The following LYPLAL1 variants were observed in gnomAD, a reference collection of about 807,000 sequenced individuals.
LYPLAL1 encodes the protein lysophospholipase like 1, also known as lysophospholipase-like protein 1.
In LYPLAL1, 23 loss-of-function variants were observed where a neutral mutation model predicts 19.7. The observed-to-expected ratio is 1.17, with a 90% CI of 0.84 to 1.65. The LOEUF (loss-of-function observed/expected upper bound fraction) is 1.65. Among genes scored for constraint, LYPLAL1 ranks in the 40% most tolerant of loss-of-function variants. The probability of loss-of-function intolerance (pLI) is 0.00; values close to 1 mark genes in which losing one functional copy is unlikely to be tolerated. For missense variants in LYPLAL1, 355 were observed against 279.4 expected (o/e 1.27, Z -1.93); for synonymous variants, 119 against 96.3 (o/e 1.24, Z -1.38).
chr1:219,260,349 CAA>C, the LYPLAL1 span, among the ~76,000 whole-genome samples: 1 of 151,354 alleles, frequency 6.6e-6, no homozygotes, highest in Non-Finnish European at 1.5e-5. Flanking sequence ...CGAAGAGAAA[CAA>C]AGAGTTCCAG....
chr1:219,341,748 G>A, the LYPLAL1 span, among the ~76,000 whole-genome samples: 4 of 152,156 alleles, frequency 2.6e-5, no homozygotes, highest in East Asian at 7.7e-4. Context: ...TGAATGACAA[G>A]CTGTTTGCTT....
chr1:219,298,729 G>A, the LYPLAL1 span, among the ~76,000 whole-genome samples: 1 of 152,212 alleles, frequency 6.6e-6, no homozygotes, highest in Non-Finnish European at 1.5e-5. Context: ...AGCAGACCTG[G>A]AGTTGCACAG....
intron 2 of LYPLAL1, among the ~76,000 whole-genome samples, chr1:219,192,311 A>T (rs1657245379): frequency 1.3e-5 from 2 of 151,710 alleles, no homozygotes; most frequent in South Asian, 4.1e-4. Context: ...GTGACAGTAT[A>T]CAGCTAAATT....
At chr1:219,438,440 G>A in the LYPLAL1 span, among the ~76,000 whole-genome samples, 1 of 152,100 alleles carries the variant, frequency 6.6e-6, no homozygotes, top group Admixed American at 6.5e-5. Context: ...TTTGTTCCTC[G>A]TGCAAAGTAC....
At chr1:219,351,307 T>C in the LYPLAL1 span, among the ~76,000 whole-genome samples, 1 of 152,060 alleles carries the variant, frequency 6.6e-6, no homozygotes, top group African/African-American at 2.4e-5. Context: ...AGCTCATTGT[T>C]GGGATGAGAA....
At chr1:219,382,305 G>A in the LYPLAL1 span, among the ~76,000 whole-genome samples, 3 of 152,152 alleles carry the variant, frequency 2.0e-5, no homozygotes, top group Non-Finnish European at 1.5e-5. Context: ...CTAGACTCAT[G>A]GTGAAGAAAA....
At chr1:219,261,833 A>T in the LYPLAL1 span, among the ~76,000 whole-genome samples, 1 of 152,120 alleles carries the variant, frequency 6.6e-6, no homozygotes, top group African/African-American at 2.4e-5. Context: ...CTAGGTGATG[A>T]TCTTTTTGCA....
the LYPLAL1 span, among the ~76,000 whole-genome samples, chr1:219,371,588 T>C: frequency 6.6e-6 from 1 of 152,206 alleles, no homozygotes; most frequent in Non-Finnish European, 1.5e-5. Context: ...TACATATTTA[T>C]AACATAACTA....
the LYPLAL1 span, among the ~76,000 whole-genome samples, chr1:219,274,301 C>T: frequency 3.9e-5 from 6 of 152,140 alleles, no homozygotes; most frequent in South Asian, 2.1e-4. Flanking sequence ...GGTTAGAAGG[C>T]GTGCAAAAGG....
At chr1:219,317,645 T>C in the LYPLAL1 span, among the ~76,000 whole-genome samples, 1 of 152,140 alleles carries the variant, frequency 6.6e-6, no homozygotes, top group African/African-American at 2.4e-5. Context: ...CAAAAATAAA[T>C]AAATAAGCTA....
At chr1:219,423,920 C>A in the LYPLAL1 span, among the ~76,000 whole-genome samples, 3 of 151,622 alleles carry the variant, frequency 2.0e-5, no homozygotes, top group African/African-American at 7.3e-5. Context: ...TCATCCAAGG[C>A]AATCTCTTGT....
At chr1:219,223,873 G>GT in the LYPLAL1 span, among the ~76,000 whole-genome samples, 72 of 151,674 alleles carry the variant, frequency 4.7e-4, 2 homozygotes, top group East Asian at 3.9e-4. Flanking sequence ...ATTTTGTTTT[G>GT]TTTTTTTCTT....
the LYPLAL1 span, among the ~76,000 whole-genome samples, chr1:219,314,663 A>G: frequency 6.6e-6 from 1 of 152,000 alleles, no homozygotes; most frequent in Non-Finnish European, 1.5e-5. Context: ...CGATCTCCTG[A>G]CTTCGTGATC....
At chr1:219,431,764 C>G in the LYPLAL1 span, among the ~76,000 whole-genome samples, 1 of 152,154 alleles carries the variant, frequency 6.6e-6, no homozygotes, top group African/African-American at 2.4e-5. Context: ...CTACCCTAAC[C>G]CAACCCTAGT....
At chr1:219,325,753 G>GCA in the LYPLAL1 span, among the ~76,000 whole-genome samples, 3 of 152,096 alleles carry the variant, frequency 2.0e-5, no homozygotes, top group African/African-American at 7.2e-5. Context: ...AGCCCACTTA[G>GCA]CACATATTGT....
chr1:219,301,551 A>G, the LYPLAL1 span, among the ~76,000 whole-genome samples: 3 of 152,222 alleles, frequency 2.0e-5, no homozygotes, highest in African/African-American at 7.2e-5. Flanking sequence ...AAAAAATCCA[A>G]AGTAATTTTA....
chr1:219,408,253 G>T, the LYPLAL1 span, among the ~76,000 whole-genome samples: 1 of 152,190 alleles, frequency 6.6e-6, no homozygotes, highest in Non-Finnish European at 1.5e-5. Context: ...GATGTTGAGA[G>T]CAATAAAATA....
At chr1:219,368,507 A>G in the LYPLAL1 span, among the ~76,000 whole-genome samples, 1 of 152,276 alleles carries the variant, frequency 6.6e-6, no homozygotes, top group East Asian at 1.9e-4. Context: ...GGTAGTCACT[A>G]CTTTCGTAAT....
the LYPLAL1 span, among the ~76,000 whole-genome samples, chr1:219,436,871 C>G: frequency 2.6e-5 from 4 of 152,162 alleles, no homozygotes; most frequent in East Asian, 1.9e-4. Flanking sequence ...CTTGCAACTT[C>G]TAAATAACAA....
Sources: allele counts gnomAD v4.1 joint callset (sites outside exome capture counted in the v4.1 genomes callset), GRCh38; gene constraint gnomAD v4.1.1; transcripts MANE v1.5; gene names NCBI Gene and HGNC (gene_info 2026-07-23, HGNC 2026-07-21).